PDE10A: variants seen among roughly 807,000 people sequenced by gnomAD.
PDE10A encodes the protein cAMP and cAMP-inhibited cGMP 3',5'-cyclic phosphodiesterase 10A.
PDE10A carries 39 observed loss-of-function variants against 97.7 expected under a neutral mutation model. That is an observed-to-expected ratio of 0.40 (90% CI 0.31 to 0.52). The LOEUF is 0.52. Ranked by LOEUF, PDE10A falls within the 20% of genes least tolerant of loss-of-function variation. The pLI is 0.56. For synonymous variants in PDE10A, 371 were observed against 376.8 expected, an observed-to-expected ratio of 0.98 and a Z score of 0.18; for missense variants, 731 against 1,047.8, an observed-to-expected ratio of 0.70 and a Z score of 4.17.
At chr6:165,533,176 T>C (rs1782884454) in intron 2 of PDE10A, among the ~76,000 whole-genome samples, 2 of 152,234 alleles carry the variant, frequency 1.3e-5, no homozygotes, top group South Asian at 2.1e-4. Flanking sequence ...TATTCTTTGA[T>C]GGTGTGTTTA....
rs1374467054 is a variant in PDE10A, at chr6:165,339,462, AAAT to A, written c.2896-107_2896-105del. 4 of 763,340 alleles carry A rather than the reference AAAT, an allele frequency of 5.2e-6. No homozygotes were observed. In the African/African-American group the frequency reaches 7.0e-5, roughly 13 times the overall value. 47.3% of individuals were successfully genotyped at this position (763,340 alleles called of 1,614,324 possible). A position where few individuals can be genotyped will look rare whatever the true frequency, so the allele number is the denominator to read the frequency against. ...TTTATTCCTTAATTTTCTTCAAAAC[AAAT>A]AATGTTTGTGGTTGTTAACCCAAGA... is the stretch of plus-strand genomic sequence containing the variant. On this transcript the variant is annotated intron_variant, in intron 19 of 21. Transcript: ENST00000539869.
Position 165,332,741 on chromosome 6 carries a change from A to G in PDE10A, c.*284T>C. On this transcript the variant is annotated 3_prime_UTR_variant, in exon 22 of 22. Transcript: ENST00000539869. ...TTTCCTTTAAGGCCTCAGCAATATT[A>G]GCCTATTAGAAAAGGCTGGTTTGCA... is the stretch of plus-strand genomic sequence containing the variant. 1 of 411,918 alleles carries G rather than the reference A, an allele frequency of 2.4e-6. No homozygotes were observed. Among genetic ancestry groups the G allele is most frequent in the East Asian group, 4.7e-5 (1 of 21,470 alleles). 25.5% of individuals were successfully genotyped at this position (411,918 alleles called of 1,614,324 possible).
rs117579087 is a variant in PDE10A at position 165,661,677 on chromosome 6, G to C, written c.865+270C>G. On this transcript the variant is annotated intron_variant, in intron 1 of 21. Transcript: ENST00000539869. This position sits in a 1 kb window ranked among gnomAD's most constrained non-coding sequence, Gnocchi z 4.8. ...GGAGGCGGCAGGTCCCGCTCGCAAC[G>C]TCCAAGCTCCCGCCGCCCTCCCGAG... is the stretch of plus-strand genomic sequence containing the variant. 2 of 427,762 alleles carry C rather than the reference G, an allele frequency of 4.7e-6. No individual in the cohort carries two copies. The highest frequency in any genetic ancestry group is 8.2e-6 in the Non-Finnish European group (2 of 244,192). The allele number at this position is 427,762 out of a possible 1,614,324, so 26.5% of individuals were successfully genotyped here.
intron 1 of PDE10A, among the ~76,000 whole-genome samples, chr6:165,568,423 T>C (rs1340775836): frequency 3.6e-4 from 55 of 152,140 alleles, no homozygotes; most frequent in Non-Finnish European, 4.4e-5. Context: ...ATTCCAGAAG[T>C]AAACAACTCA....
intron 18 of PDE10A, among the ~76,000 whole-genome samples, chr6:165,359,619 C>A (rs1379666087): frequency 1.3e-5 from 2 of 152,160 alleles, no homozygotes; most frequent in Non-Finnish European, 2.9e-5. Flanking sequence ...TTTAGAGTCA[C>A]TGATTTCCAG....
chr6:165,656,352 A>G (rs974678635), intron 1 of PDE10A, among the ~76,000 whole-genome samples: 2 of 149,422 alleles, frequency 1.3e-5, no homozygotes, highest in Non-Finnish European at 3.0e-5. Context: ...CCAACCAGCC[A>G]CCTGGATGTG....
intron 3 of PDE10A, among the ~76,000 whole-genome samples, chr6:165,454,646 G>A (rs747990447): frequency 6.6e-6 from 1 of 152,038 alleles, no homozygotes; most frequent in Non-Finnish European, 1.5e-5. Flanking sequence ...CAGCAGGAAG[G>A]TCCTTGCCAG....
intron 1 of PDE10A, among the ~76,000 whole-genome samples, chr6:165,978,142 C>T (rs943802328): frequency 2.2e-4 from 33 of 152,152 alleles, no homozygotes; most frequent in Admixed American, 1.9e-3. Flanking sequence ...TGGCTTACAT[C>T]TTGGTGTTTA....
intron 3 of PDE10A, among the ~76,000 whole-genome samples, chr6:165,480,887 T>C (rs767603046): frequency 2.6e-5 from 4 of 152,364 alleles, no homozygotes; most frequent in African/African-American, 4.8e-5. Flanking sequence ...AAAAACGTTA[T>C]AGAGATCTTG....
rs1057391699 is a variant in PDE10A at position 165,897,967 on chromosome 6, G to T, written c.-615+89562C>A. On this transcript the variant is annotated intron_variant, in intron 1 of 19. Coordinates refer to the PDE10A transcript ENST00000366882. ...CCTGCGGGCTCTACCACCATCAGGT[G>T]CCCCGTGCGGTCCTTTGCCGACCAC... Among the ~76,000 whole-genome samples, 50 of 152,036 alleles carry T rather than the reference G, an allele frequency of 3.3e-4. 1 individual carries two copies. The highest frequency in any genetic ancestry group is 3.3e-3 in the Admixed American group (50 of 15,290).
rs568135386 is a variant in PDE10A at position 165,632,122 on chromosome 6, C to T, written c.865+29825G>A. The stretch of plus-strand genomic sequence containing the variant: ...GGCTGAGGCAGGAGAATCACTTGAA[C>T]CCAGGAGGCGGAGGTTGCAGTGAGC... On this transcript the variant is annotated intron_variant, in intron 1 of 21. Transcript: ENST00000539869. 8.2e-5 allele frequency among the ~76,000 whole-genome samples: 12 copies of T among 146,426 alleles called. No individual in the cohort carries two copies. In the East Asian group the frequency reaches 2.5e-3, roughly 31 times the overall value.
chr6:165,335,678 C>T (rs921515596), intron 21 of PDE10A, among the ~76,000 whole-genome samples: 1 of 152,144 alleles, frequency 6.6e-6, no homozygotes, highest in Non-Finnish European at 1.5e-5. Flanking sequence ...AGGCTTGAAA[C>T]CAAGCTGCCT....
intron 1 of PDE10A, among the ~76,000 whole-genome samples, chr6:165,767,124 G>T (rs1372295383): frequency 1.3e-5 from 2 of 152,084 alleles, no homozygotes; most frequent in African/African-American, 4.8e-5. Context: ...TTGGACACTT[G>T]TTCTAATCAG....
intron 1 of PDE10A, among the ~76,000 whole-genome samples, chr6:165,945,032 TC>T (rs1173194971): frequency 1.3e-5 from 2 of 152,080 alleles, no homozygotes; most frequent in African/African-American, 2.4e-5. Flanking sequence ...GGTGTTCACA[TC>T]CCCCATGTTG....
chr6:165,642,597 G>T (rs1205381132), intron 1 of PDE10A, among the ~76,000 whole-genome samples: 2 of 152,184 alleles, frequency 1.3e-5, no homozygotes, highest in African/African-American at 2.4e-5. Flanking sequence ...CTAGCCCCTG[G>T]AATCCTCTCT....
intron 1 of PDE10A, among the ~76,000 whole-genome samples, chr6:165,893,468 T>C (rs796945689): frequency 2.0e-5 from 3 of 152,362 alleles, no homozygotes; most frequent in African/African-American, 7.2e-5. Context: ...AATGTGAATA[T>C]AGTTTAAGAT....
At chr6:165,526,965 C>T (rs372979539) in intron 2 of PDE10A, among the ~76,000 whole-genome samples, 71 of 152,354 alleles carry the variant, frequency 4.7e-4, no homozygotes, top group African/African-American at 1.5e-3. Flanking sequence ...GTCCACTACA[C>T]TGATGACATT....
chr6:165,423,653 G>A (rs1788889984), intron 10 of PDE10A, among the ~76,000 whole-genome samples: 1 of 152,120 alleles, frequency 6.6e-6, no homozygotes, highest in African/African-American at 2.4e-5. Flanking sequence ...GGATCACGAG[G>A]TCAAGAGATT....
At chr6:165,554,488 A>T (rs1360109050) in intron 1 of PDE10A, among the ~76,000 whole-genome samples, 1 of 152,118 alleles carries the variant, frequency 6.6e-6, no homozygotes, top group Non-Finnish European at 1.5e-5. Context: ...AGTTAAAATG[A>T]CATATATTCA....
Sources: allele counts gnomAD v4.1 joint callset (sites outside exome capture counted in the v4.1 genomes callset), GRCh38; gene constraint gnomAD v4.1.1; non-coding constraint Gnocchi (gnomAD v3.1); transcripts MANE v1.5; gene names NCBI Gene and HGNC (gene_info 2026-07-23, HGNC 2026-07-21).